The following RGS3 variants were observed in gnomAD, a reference collection of about 807,000 sequenced individuals.
The protein encoded by RGS3 is regulator of G protein signaling 3.
In RGS3, 80 loss-of-function variants were observed where a neutral mutation model predicts 132.6. The ratio of observed to expected loss-of-function variants is 0.60; its 90% CI spans 0.50 to 0.73. RGS3 has a LOEUF of 0.73. Ranked by LOEUF, RGS3 falls within the 30% of genes least tolerant of loss-of-function variation. The probability of loss-of-function intolerance (pLI) is 0.00; values close to 1 mark genes in which losing one functional copy is unlikely to be tolerated. For missense variants in RGS3, 1,382 were observed against 1,530.8 expected, an observed-to-expected ratio of 0.90 and a Z score of 1.62; for synonymous variants, 598 against 620.6, an observed-to-expected ratio of 0.96 and a Z score of 0.54.
chr9:113,460,996 A>C (rs945375859), intron 1 of RGS3, among the ~76,000 whole-genome samples: 2 of 152,112 alleles, frequency 1.3e-5, no homozygotes, highest in African/African-American at 4.8e-5. Flanking sequence ...TTTTGTGTGC[A>C]TGTGTCAGTG....
At chr9:113,509,901 G>A (rs1831324137) in intron 14 of RGS3, among the ~76,000 whole-genome samples, 2 of 152,076 alleles carry the variant, frequency 1.3e-5, no homozygotes, top group South Asian at 2.1e-4. Context: ...TGTTCCTTCT[G>A]GGGAGAAGTC....
chr9:113,559,377 T>C (rs7040635), intron 19 of RGS3, among the ~76,000 whole-genome samples: 24,181 of 152,264 alleles, frequency 0.16, 2,066 homozygotes, highest in African/African-American at 0.2. Context: ...CTGCTACAGC[T>C]GCCCAAGGTC....
At chr9:113,583,748 G>T in exon 20 of RGS3, 3 of 1,614,080 alleles carry the variant, frequency 1.9e-6, no homozygotes. Flanking sequence ...CTCTCACCCT[G>T]CCAGGACCTA....
intron 1 of RGS3, among the ~76,000 whole-genome samples, chr9:113,447,770 C>T (rs1829144180): frequency 1.3e-5 from 2 of 151,582 alleles, no homozygotes; most frequent in Non-Finnish European, 2.9e-5. Context: ...AATCTATCCA[C>T]TTCTCTCTGC....
intron 1 of RGS3, among the ~76,000 whole-genome samples, chr9:113,446,282 G>A (rs1829098507): frequency 6.6e-6 from 1 of 152,110 alleles, no homozygotes; most frequent in Non-Finnish European, 1.5e-5. Context: ...AACAGATATT[G>A]GGTATCTAAT....
chr9:113,486,656 A>G (rs1051073247), intron 7 of RGS3, among the ~76,000 whole-genome samples: 1 of 152,228 alleles, frequency 6.6e-6, no homozygotes, highest in Non-Finnish European at 1.5e-5. Context: ...TTGCGGAGCA[A>G]TCACATCACT....
chr9:113,508,709 C>A, intron 14 of RGS3, 129 bp downstream of exon 12: 1 of 830,114 alleles, frequency 1.2e-6, no homozygotes, highest in Non-Finnish European at 2.0e-6. Context: ...AGCCTATCGA[C>A]ACAGACTCTC....
intron 19 of RGS3, among the ~76,000 whole-genome samples, chr9:113,548,721 A>G (rs1333465150): frequency 2.0e-5 from 3 of 152,226 alleles, no homozygotes; most frequent in Non-Finnish European, 4.4e-5. Flanking sequence ...CCCGGAGAGC[A>G]GAAAGCACTG....
intron 19 of RGS3, among the ~76,000 whole-genome samples, chr9:113,556,812 G>C (rs2118785699): frequency 6.6e-6 from 1 of 152,290 alleles, no homozygotes; most frequent in South Asian, 2.1e-4. Flanking sequence ...ATTGTCAGAG[G>C]TTCTCCAGTG....
intron 1 of RGS3, among the ~76,000 whole-genome samples, chr9:113,450,196 G>A (rs932799026): frequency 1.3e-5 from 2 of 152,116 alleles, no homozygotes; most frequent in African/African-American, 4.8e-5. Flanking sequence ...AGCCTCCTGA[G>A]TATTTGGGAC....
chr9:113,556,467 C>G (rs1203023436), intron 19 of RGS3, among the ~76,000 whole-genome samples: 1 of 152,108 alleles, frequency 6.6e-6, no homozygotes, highest in Non-Finnish European at 1.5e-5. Context: ...ATATAATCTT[C>G]CCAGCACTAT....
Position 113,507,573 on chromosome 9 carries a change from T to C in RGS3, c.1372T>C (p.Ser458Pro), listed in dbSNP as rs1200461238. 5.8e-6 allele frequency: 9 copies of C among 1,543,710 alleles called. No individual in the cohort carries two copies. The highest frequency in any genetic ancestry group is 7.9e-6 in the Non-Finnish European group (9 of 1,141,672). ...GGGCCAGCACACCCTGCCTGCACTG[T>C]CCCGTGCCACTGCCCCCACCGACCC... is the stretch of plus-strand genomic sequence containing the variant. Residue 458 changes from serine to proline, a missense_variant, in exon 13 of 25, where the codon TCC becomes CCC. Transcript: ENST00000350696. The surrounding 1 kb of genome is among the most constrained non-coding windows in gnomAD (Gnocchi z 5.0).
intron 16 of RGS3, among the ~76,000 whole-genome samples, chr9:113,521,111 C>T (rs1831933227): frequency 6.6e-6 from 1 of 152,180 alleles, no homozygotes; most frequent in African/African-American, 2.4e-5. Context: ...TTGAAGACTT[C>T]TCTTGGGCTG....
intron 20 of RGS3, among the ~76,000 whole-genome samples, chr9:113,589,732 C>T (rs1275677905): frequency 6.6e-6 from 1 of 152,196 alleles, no homozygotes; most frequent in Admixed American, 6.5e-5. Context: ...TGGTAACACT[C>T]ACTGGGCAAT....
chr9:113,474,050 A>T (rs553871049), intron 3 of RGS3, among the ~76,000 whole-genome samples: 1 of 152,156 alleles, frequency 6.6e-6, no homozygotes, highest in African/African-American at 2.4e-5. Flanking sequence ...ATCCCTTGTG[A>T]GTGATCCATG....
chr9:113,581,422 C>T (rs2118960345), intron 19 of RGS3: 1 of 152,370 alleles, frequency 6.6e-6, no homozygotes, highest in East Asian at 1.9e-4. Context: ...TTACAATTGC[C>T]AACACTGACT....
intron 19 of RGS3, among the ~76,000 whole-genome samples, chr9:113,554,215 G>A (rs1327805268): frequency 6.6e-6 from 1 of 152,200 alleles, no homozygotes; most frequent in Non-Finnish European, 1.5e-5. Context: ...AAAATGGAAT[G>A]TTATTGCTTT....
At chr9:113,508,670 G>A in intron 14 of RGS3, 90 bp downstream of exon 12, 1 of 1,367,426 alleles carries the variant, frequency 7.3e-7, no homozygotes, top group Non-Finnish European at 1.0e-6. Context: ...CCTGAGTTCT[G>A]AGGCCTTTCC....
Position 113,565,013 on chromosome 9 carries a change from G to T in RGS3, c.2038-18437G>T. 9.7e-7 allele frequency: 1 copy of T among 1,036,194 alleles called. No individual in the cohort carries two copies. Among genetic ancestry groups the T allele is most frequent in the Non-Finnish European group, 1.2e-6 (1 of 858,620 alleles). 64.2% of individuals were successfully genotyped at this position (1,036,194 alleles called of 1,614,324 possible). On this transcript the variant is annotated intron_variant, in intron 19 of 24. Coordinates refer to ENST00000350696, the Ensembl canonical transcript of RGS3. The surrounding 1 kb of genome is among the most constrained non-coding windows in gnomAD (Gnocchi z 5.7). ...GGCGGCTTTGCGCTGCCCCAGCCTG[G>T]GAGCCCTCAGGATGTGTGTGGGGTG...
Sources: allele counts gnomAD v4.1 joint callset (sites outside exome capture counted in the v4.1 genomes callset), GRCh38; gene constraint gnomAD v4.1.1; non-coding constraint Gnocchi (gnomAD v3.1); transcripts MANE v1.5; gene names NCBI Gene and HGNC (gene_info 2026-07-23, HGNC 2026-07-21).